Variants in PSTPIP2 observed in about 807,000 individuals in gnomAD.
PSTPIP2 encodes the protein proline-serine-threonine phosphatase interacting protein 2.
In PSTPIP2, 33 loss-of-function variants were observed where a neutral mutation model predicts 63.3. That is an observed-to-expected ratio of 0.52 (90% CI 0.40 to 0.70). The LOEUF is 0.70. PSTPIP2 is among the 30% of genes least tolerant of loss of function. PSTPIP2 has a pLI of 0.00. For missense variants in PSTPIP2, 312 were observed against 400.7 expected (o/e 0.78, Z 1.89); for synonymous variants, 125 against 132.7 (o/e 0.94, Z 0.40).
intron 3 of PSTPIP2, among the ~76,000 whole-genome samples, chr18:46,017,747 T>C (rs573943729): frequency 2.0e-5 from 3 of 152,204 alleles, no homozygotes. Context: ...TATTACCTCA[T>C]GTACTTACAC....
chr18:46,010,261 G>T (rs1331940841), intron 5 of PSTPIP2, among the ~76,000 whole-genome samples: 1 of 152,218 alleles, frequency 6.6e-6, no homozygotes, highest in Non-Finnish European at 1.5e-5. Flanking sequence ...TATGCTCATT[G>T]CAGACAGCAA....
chr18:46,035,574 C>G (rs1423003891), intron 2 of PSTPIP2, among the ~76,000 whole-genome samples: 2 of 152,072 alleles, frequency 1.3e-5, no homozygotes, highest in African/African-American at 4.8e-5. Context: ...CAGGCAGAGA[C>G]ATCCAAAGCG....
chr18:46,044,767 A>T (rs1169021421), intron 1 of PSTPIP2, among the ~76,000 whole-genome samples: 2 of 152,202 alleles, frequency 1.3e-5, no homozygotes, highest in Non-Finnish European at 2.9e-5. Flanking sequence ...CATCTGACAA[A>T]GGGCTAATAT....
intron 9 of PSTPIP2, among the ~76,000 whole-genome samples, chr18:45,996,602 T>A (rs2051596412): frequency 6.6e-6 from 1 of 150,732 alleles, no homozygotes; most frequent in Non-Finnish European, 1.5e-5. Context: ...GGAGCAGTGG[T>A]GAAATTGAAG....
At chr18:46,051,591 T>C (rs1908584565) in intron 1 of PSTPIP2, among the ~76,000 whole-genome samples, 1 of 152,154 alleles carries the variant, frequency 6.6e-6, no homozygotes, top group Non-Finnish European at 1.5e-5. Flanking sequence ...ATAGAAGGCA[T>C]AAGAGTCAGT....
chr18:46,061,728 A>G (rs1909000766), intron 1 of PSTPIP2, among the ~76,000 whole-genome samples: 1 of 152,202 alleles, frequency 6.6e-6, no homozygotes. Flanking sequence ...GGCCTGAGTC[A>G]ATACTTTTTA....
intron 1 of PSTPIP2, among the ~76,000 whole-genome samples, chr18:46,062,750 C>T (rs2144133856): frequency 6.6e-6 from 1 of 152,156 alleles, no homozygotes; most frequent in African/African-American, 2.4e-5. Flanking sequence ...CTCCTGACCT[C>T]GTGATCCACC....
At chr18:46,014,381 A>G (rs1030149868) in intron 4 of PSTPIP2, among the ~76,000 whole-genome samples, 2 of 152,128 alleles carry the variant, frequency 1.3e-5, no homozygotes, top group Admixed American at 6.5e-5. Context: ...TAAATAAATA[A>G]GAATTCTTAA....
intron 3 of PSTPIP2, among the ~76,000 whole-genome samples, chr18:46,020,865 C>T (rs535234483): frequency 1.8e-4 from 27 of 152,276 alleles, no homozygotes; most frequent in African/African-American, 6.3e-4. Flanking sequence ...TACAGTCTGT[C>T]TGAATTTACC....
In PSTPIP2 at chr18:46,045,636, A is replaced by G. The variant is rs9944890; in HGVS notation, c.34-5589T>C. Among the ~76,000 whole-genome samples, 268 of 151,982 alleles carry G rather than the reference A, an allele frequency of 1.8e-3. 1 individual carries two copies. Among genetic ancestry groups the G allele is most frequent in the African/African-American group, 6.2e-3 (255 of 41,442 alleles). On this transcript the variant is annotated intron_variant, in intron 1 of 14. Transcript: ENST00000409746. ...TGTAACTAACCTGCACATTGTGCAC[A>G]TGTACCCTAAAACTTAAAGTATAAC...
rs67989237 is a variant in PSTPIP2, at chr18:46,027,297, A to AAAATAAAT, written c.135-2619_135-2612dup. Among the ~76,000 whole-genome samples, 898 of 141,808 alleles carry AAAATAAAT rather than the reference A, an allele frequency of 6.3e-3. 4 individuals are homozygous for AAAATAAAT. The highest frequency in any genetic ancestry group is 7.1e-3 in the African/African-American group (270 of 37,962). The allele number at this position is 141,808 out of a possible 152,430, so 93.0% of individuals were successfully genotyped here. On this transcript the variant is annotated intron_variant, in intron 2 of 14. Transcript: ENST00000409746. ...GCGACAAGAGCAAAACTCCATCTCA[A>AAAATAAAT]AAATAAATAAATAAATAAATAAATA...
In PSTPIP2 at chr18:46,015,918, C is replaced by T. The variant is rs2051848534; in HGVS notation, c.232G>A (p.Glu78Lys). ...AATCACTTACGCTGCTTGAAGACTT[C>T]AAGGGCCCGCTTCAGGGTGCTAAAA... ...SEINTLKRAL[E>K]VFKQQVDNVA... The change falls in exon 4 of 15, where the codon GAA becomes AAA. Residue 78 changes from glutamate to lysine, a missense_variant. Physicochemically the swap from Glu to Lys is moderately conservative, Grantham distance 56 (BLOSUM62 1). Transcript: ENST00000409746. The T allele has an allele frequency of 1.2e-6, 2 of 1,612,364 alleles. No homozygotes were observed. The highest frequency in any genetic ancestry group is 8.5e-7 in the Non-Finnish European group (1 of 1,179,098).
chr18:46,059,512 G>C (rs942758555), intron 1 of PSTPIP2, among the ~76,000 whole-genome samples: 2 of 151,950 alleles, frequency 1.3e-5, no homozygotes, highest in South Asian at 2.1e-4. Flanking sequence ...GCTTCCCAAA[G>C]TGCTGGGATT....
chr18:46,064,265 CTTCTTTCTTT>C (rs1909091323), intron 1 of PSTPIP2, among the ~76,000 whole-genome samples: 2 of 130,356 alleles, frequency 1.5e-5, no homozygotes, highest in Non-Finnish European at 3.3e-5. Flanking sequence ...TTCTTTTTTT[CTTCTTTCTTT>C]TTCTTTCTTT....
At position 46,028,965 on chromosome 18, in the gene PSTPIP2, G is replaced by T. The variant is rs1392256841; in HGVS notation, c.135-4279C>A. The T allele has an allele frequency of 4.6e-6, 5 of 1,087,960 alleles. No homozygotes were observed. In the South Asian group the frequency reaches 6.2e-5, roughly 13 times the overall value. The allele number at this position is 1,087,960 out of a possible 1,614,324, so 67.4% of individuals were successfully genotyped here. A position where few individuals can be genotyped will look rare whatever the true frequency, so the allele number is the denominator to read the frequency against. Reference sequence around the variant, plus strand: ...ATGCTGAACGTCCTTCTGCTGCTCAGATCTCATCTGTGCAGTTCCGTCCTT... The same window carrying T: ...ATGCTGAACGTCCTTCTGCTGCTCATATCTCATCTGTGCAGTTCCGTCCTT... On this transcript the variant is annotated intron_variant, in intron 2 of 14. Coordinates refer to ENST00000409746, the MANE Select transcript of PSTPIP2 (RefSeq NM_024430.4).
chr18:46,064,039 T>A (rs966618823), intron 1 of PSTPIP2, among the ~76,000 whole-genome samples: 3 of 152,174 alleles, frequency 2.0e-5, no homozygotes, highest in African/African-American at 7.2e-5. Context: ...CAGGCACCAC[T>A]GGAGTAAGCA....
chr18:46,069,707 C>G (rs774436592), intron 1 of PSTPIP2, among the ~76,000 whole-genome samples: 5 of 152,182 alleles, frequency 3.3e-5, no homozygotes, highest in Non-Finnish European at 7.3e-5. Context: ...TTTTCAGGAA[C>G]ATGTACAAAC....
chr18:45,995,638 A>G (rs1165336959), intron 9 of PSTPIP2, among the ~76,000 whole-genome samples: 1 of 152,214 alleles, frequency 6.6e-6, no homozygotes, highest in African/African-American at 2.4e-5. Context: ...CCTCATGCCA[A>G]GGGATTCTGG....
chr18:45,987,884 A>G (rs1445273628), intron 14 of PSTPIP2, among the ~76,000 whole-genome samples: 1 of 152,226 alleles, frequency 6.6e-6, no homozygotes, highest in African/African-American at 2.4e-5. Context: ...AGCAGTGTTC[A>G]GTCCTCGTCT....
Sources: allele counts gnomAD v4.1 joint callset (sites outside exome capture counted in the v4.1 genomes callset), GRCh38; gene constraint gnomAD v4.1.1; transcripts MANE v1.5; gene names NCBI Gene and HGNC (gene_info 2026-07-23, HGNC 2026-07-21).